Variants in GPATCH2 observed in about 807,000 individuals in gnomAD.
GPATCH2 encodes the protein G patch domain-containing protein 2.
GPATCH2 carries 51 observed loss-of-function variants against 58.0 expected under a neutral mutation model. The ratio of observed to expected loss-of-function variants is 0.88; its 90% CI spans 0.70 to 1.11. The LOEUF (loss-of-function observed/expected upper bound fraction) is 1.11, where lower values mean the gene tolerates loss of function less well. Among genes scored for constraint, GPATCH2 ranks in the 50% most tolerant of loss-of-function variants. The pLI is 0.00. For synonymous variants in GPATCH2, 222 were observed against 218.5 expected (o/e 1.02, Z -0.14); for missense variants, 625 against 652.2 (o/e 0.96, Z 0.45).
At chr1:217,500,502 G>A (rs1034992765) in intron 6 of GPATCH2, among the ~76,000 whole-genome samples, 5 of 152,010 alleles carry the variant, frequency 3.3e-5, no homozygotes, top group African/African-American at 1.2e-4. Flanking sequence ...AGTGAGAATG[G>A]TTGAGAAGCG....
chr1:217,607,892 C>G (rs1475223762), intron 5 of GPATCH2, among the ~76,000 whole-genome samples: 3 of 152,192 alleles, frequency 2.0e-5, no homozygotes, highest in African/African-American at 4.8e-5. Context: ...CTTAAGAAAC[C>G]TTTTGTTGGC....
intron 8 of GPATCH2, among the ~76,000 whole-genome samples, chr1:217,452,436 C>A (rs1659709732): frequency 6.6e-6 from 1 of 152,130 alleles, no homozygotes; most frequent in South Asian, 2.1e-4. Context: ...AGAAGAAATA[C>A]TTGAGTGCCT....
chr1:217,570,845 A>C (rs2102716421), intron 5 of GPATCH2, among the ~76,000 whole-genome samples: 1 of 152,374 alleles, frequency 6.6e-6, no homozygotes, highest in Admixed American at 6.5e-5. Flanking sequence ...GTCATGTATT[A>C]GAACTTCAAA....
chr1:217,454,980 G>C (rs1433062746), intron 8 of GPATCH2, among the ~76,000 whole-genome samples: 1 of 152,078 alleles, frequency 6.6e-6, no homozygotes, highest in Non-Finnish European at 1.5e-5. Context: ...TTTTGTGCAT[G>C]ATCTCTTTGG....
chr1:217,597,483 A>G (rs1667893821), intron 5 of GPATCH2, among the ~76,000 whole-genome samples: 1 of 152,130 alleles, frequency 6.6e-6, no homozygotes, highest in South Asian at 2.1e-4. Context: ...CAGACTCCAG[A>G]AAAGTTCACA....
intron 9 of GPATCH2, among the ~76,000 whole-genome samples, chr1:217,438,019 T>G (rs1658928743): frequency 6.6e-6 from 1 of 152,166 alleles, no homozygotes; most frequent in Admixed American, 6.5e-5. Flanking sequence ...CCCTCTGGGA[T>G]GAAGCTTCCA....
chr1:217,572,680 C>T (rs1666623808), intron 5 of GPATCH2, among the ~76,000 whole-genome samples: 1 of 152,128 alleles, frequency 6.6e-6, no homozygotes, highest in South Asian at 2.1e-4. Flanking sequence ...ATTCTCTCAC[C>T]CTGGCTGCAT....
At chr1:217,593,575 C>G (rs963788703) in intron 5 of GPATCH2, among the ~76,000 whole-genome samples, 1 of 151,990 alleles carries the variant, frequency 6.6e-6, no homozygotes, top group African/African-American at 2.4e-5. Context: ...AATCCAATTC[C>G]TGCTACAGTT....
At chr1:217,619,359 C>T (rs753492170) in intron 2 of GPATCH2, among the ~76,000 whole-genome samples, 2 of 152,004 alleles carry the variant, frequency 1.3e-5, no homozygotes, top group South Asian at 2.1e-4. Flanking sequence ...ACAGACATGT[C>T]GAAGTGGTAT....
intron 1 of GPATCH2, among the ~76,000 whole-genome samples, chr1:217,628,860 G>C (rs1228184245): frequency 6.6e-6 from 1 of 151,970 alleles, no homozygotes; most frequent in Non-Finnish European, 1.5e-5. Context: ...TAACTGCTAG[G>C]TTACATATTC....
chr1:217,449,181 T>G, intron 9 of GPATCH2, 68 bp downstream of exon 9: 3 of 844,716 alleles, frequency 3.6e-6, no homozygotes, highest in Admixed American at 1.9e-5. Context: ...AAGAAGTATC[T>G]ACATTTTATT....
intron 8 of GPATCH2, among the ~76,000 whole-genome samples, chr1:217,456,626 T>C (rs1011106102): frequency 6.6e-6 from 1 of 152,186 alleles, no homozygotes; most frequent in Non-Finnish European, 1.5e-5. Flanking sequence ...TGAAATTATG[T>C]GCAAAATACA....
At chr1:217,514,968 T>C in intron 5 of GPATCH2, 79 bp from the exon 6 acceptor site, 1 of 718,032 alleles carries the variant, frequency 1.4e-6, no homozygotes, top group South Asian at 1.5e-5. Flanking sequence ...ATATATCAAT[T>C]TGAAGACATC....
At chr1:217,570,324 G>T (rs1020612369) in intron 5 of GPATCH2, among the ~76,000 whole-genome samples, 1 of 151,998 alleles carries the variant, frequency 6.6e-6, no homozygotes. Flanking sequence ...TGTTGACCAG[G>T]CTGGTCTTGA....
intron 5 of GPATCH2, among the ~76,000 whole-genome samples, chr1:217,524,081 C>T (rs1345785152): frequency 2.7e-5 from 4 of 149,888 alleles, no homozygotes; most frequent in Non-Finnish European, 4.4e-5. Flanking sequence ...GGGGGGCTGA[C>T]CCCCCCACCT....
chr1:217,428,858 G>A lies in GPATCH2; in HGVS notation c.*2287C>T, dbSNP rs1395862851. 2 of 152,162 alleles carry A rather than the reference G, an allele frequency of 1.3e-5. No individual in the cohort carries two copies. The highest frequency in any genetic ancestry group is 2.9e-5 in the Non-Finnish European group (2 of 68,028). The allele number at this position is 152,162 out of a possible 1,614,324, so 9.4% of individuals were successfully genotyped here. On this transcript the variant is annotated 3_prime_UTR_variant, in exon 10 of 10. Coordinates refer to ENST00000366935, the MANE Select transcript of GPATCH2 (RefSeq NM_018040.5). ...CTGTCCAGAACAGCAACAATAAAGA[G>A]CACTCATAAGGACTGCAATATTTAA...
chr1:217,469,819 G>A (rs1660637938), intron 8 of GPATCH2, among the ~76,000 whole-genome samples: 1 of 152,142 alleles, frequency 6.6e-6, no homozygotes, highest in Non-Finnish European at 1.5e-5. Flanking sequence ...TGTGGCAGAT[G>A]AATTTAATAG....
At chr1:217,566,944 C>T (rs1666265384) in intron 5 of GPATCH2, among the ~76,000 whole-genome samples, 1 of 151,682 alleles carries the variant, frequency 6.6e-6, no homozygotes, top group Non-Finnish European at 1.5e-5. Context: ...GGCTTTTAGA[C>T]TCATAATAAC....
intron 5 of GPATCH2, among the ~76,000 whole-genome samples, chr1:217,590,637 T>C (rs1667549142): frequency 6.6e-6 from 1 of 152,200 alleles, no homozygotes; most frequent in Non-Finnish European, 1.5e-5. Context: ...TGAATTTAAA[T>C]ATATTCGACC....
Sources: allele counts gnomAD v4.1 joint callset (sites outside exome capture counted in the v4.1 genomes callset), GRCh38; gene constraint gnomAD v4.1.1; transcripts MANE v1.5; gene names NCBI Gene and HGNC (gene_info 2026-07-23, HGNC 2026-07-21).